The following PCNX2 variants were observed in gnomAD, a reference collection of about 807,000 sequenced individuals.
The protein encoded by PCNX2 is pecanex 2.
Under a neutral mutation model 223.8 loss-of-function variants are expected in PCNX2, and 168 were observed. The ratio of observed to expected loss-of-function variants is 0.75; its 90% CI spans 0.66 to 0.85. The LOEUF is 0.85. Among genes scored for constraint, PCNX2 ranks in the 40% least tolerant of loss-of-function variants. PCNX2 has a pLI of 0.00. For synonymous variants in PCNX2, 1,006 were observed against 1,052.6 expected (o/e 0.96, Z 0.86); for missense variants, 2,507 against 2,675.5 (o/e 0.94, Z 1.39).
rs550251709 is a variant in PCNX2 at position 233,068,220 on chromosome 1, A to T, written c.4077-10930T>A. Among the ~76,000 whole-genome samples the T allele has an allele frequency of 2.0e-5, 3 of 152,326 alleles. No individual in the cohort carries two copies. In the South Asian group the frequency reaches 6.2e-4, roughly 32 times the overall value. On this transcript the variant is annotated intron_variant, in intron 23 of 33. Coordinates refer to ENST00000258229, the MANE Select transcript of PCNX2 (RefSeq NM_014801.4). ...GCCTAGATTCCTATATACAGTGAAG[A>T]TATCCTTTTGGAATGAAGAAAATTT... is the stretch of plus-strand genomic sequence containing the variant.
intron 25 of PCNX2, among the ~76,000 whole-genome samples, chr1:233,030,231 T>G (rs1178181861): frequency 1.3e-5 from 2 of 152,194 alleles, no homozygotes; most frequent in African/African-American, 2.4e-5. Context: ...AATTTTCATT[T>G]CAGACATTGT....
At chr1:233,144,014 C>T (rs116746381) in intron 19 of PCNX2, among the ~76,000 whole-genome samples, 3,115 of 152,080 alleles carry the variant, frequency 0.02, 95 homozygotes, top group African/African-American at 0.07. Context: ...GACCCTGTCT[C>T]TACAAAAAGT....
intron 13 of PCNX2, among the ~76,000 whole-genome samples, chr1:233,207,435 G>C (rs138145009): frequency 1.2e-4 from 18 of 152,276 alleles, no homozygotes; most frequent in African/African-American, 4.3e-4. Flanking sequence ...TGTGATCACA[G>C]ACAATAACAA....
chr1:233,305,288 T>TA, the PCNX2 span, among the ~76,000 whole-genome samples: 105 of 151,986 alleles, frequency 6.9e-4, no homozygotes, highest in African/African-American at 1.9e-3. Context: ...ACAATTTGTA[T>TA]AAAAAAAAGC....
At chr1:233,317,889 C>A in the PCNX2 span, among the ~76,000 whole-genome samples, 3 of 152,228 alleles carry the variant, frequency 2.0e-5, no homozygotes, top group African/African-American at 7.2e-5. Context: ...TTTCAAGTAA[C>A]AAAGGCGAAG....
chr1:233,093,638 A>T (rs190619883), intron 22 of PCNX2, among the ~76,000 whole-genome samples: 4 of 152,232 alleles, frequency 2.6e-5, no homozygotes, highest in Non-Finnish European at 2.9e-5. Flanking sequence ...CAACTGATGA[A>T]GGATGAGGGG....
At chr1:233,078,062 C>T (rs1486885025) in intron 23 of PCNX2, among the ~76,000 whole-genome samples, 1 of 152,216 alleles carries the variant, frequency 6.6e-6, no homozygotes, top group African/African-American at 2.4e-5. Context: ...AAGGTCTTTG[C>T]TTTCAATAAA....
At chr1:233,316,805 C>T in the PCNX2 span, among the ~76,000 whole-genome samples, 2 of 152,158 alleles carry the variant, frequency 1.3e-5, no homozygotes, top group Admixed American at 1.3e-4. Flanking sequence ...ACTCATCTTA[C>T]CCATCTTTTC....
intron 1 of PCNX2, chr1:233,288,796 A>C: frequency 2.7e-6 from 2 of 743,536 alleles, no homozygotes; most frequent in Non-Finnish European, 2.1e-6. Flanking sequence ...GGACCCAGGA[A>C]AGATGCCCTT....
intron 19 of PCNX2, among the ~76,000 whole-genome samples, chr1:233,149,552 G>C (rs1261404199): frequency 1.3e-5 from 2 of 152,162 alleles, no homozygotes; most frequent in East Asian, 3.9e-4. Context: ...CATCTGTGCT[G>C]TTACCATCCC....
At chr1:233,109,254 C>T (rs960714728) in intron 21 of PCNX2, among the ~76,000 whole-genome samples, 1 of 152,142 alleles carries the variant, frequency 6.6e-6, no homozygotes. Context: ...CTCCACAGAA[C>T]ATCCAGCTGT....
At chr1:233,217,172 A>T (rs1657003574) in intron 12 of PCNX2, among the ~76,000 whole-genome samples, 1 of 151,986 alleles carries the variant, frequency 6.6e-6, no homozygotes, top group African/African-American at 2.4e-5. Context: ...ATAATAATAC[A>T]CTGTTATACT....
the PCNX2 span, among the ~76,000 whole-genome samples, chr1:233,321,031 T>TG: frequency 7.0e-6 from 1 of 143,334 alleles, no homozygotes. Flanking sequence ...TTTTTTTTTT[T>TG]TTTTTTTGAG....
intron 23 of PCNX2, among the ~76,000 whole-genome samples, chr1:233,065,880 G>A (rs1672583323): frequency 6.6e-6 from 1 of 152,168 alleles, no homozygotes; most frequent in Admixed American, 6.5e-5. Context: ...TGGGTCCCTG[G>A]TGAAACCCAA....
chr1:233,005,451 C>T (rs1329329985), intron 28 of PCNX2, among the ~76,000 whole-genome samples: 1 of 152,190 alleles, frequency 6.6e-6, no homozygotes, highest in Non-Finnish European at 1.5e-5. Flanking sequence ...GCTTGAGTTC[C>T]ATCAAAGGCC....
rs1225250821 is a variant in PCNX2, at chr1:233,253,661, A to G, written c.1835-873T>C. Among the ~76,000 whole-genome samples, 1 of 152,210 alleles carries G rather than the reference A, an allele frequency of 6.6e-6. No homozygotes were observed. The highest frequency in any genetic ancestry group is 1.5e-5 in the Non-Finnish European group (1 of 68,042). Reference sequence around the variant, plus strand: ...ACACCCGGCCTGCTGATTTTGAACAATATGCTTAGCACTGTGTAGGACACA... The same window carrying G: ...ACACCCGGCCTGCTGATTTTGAACAGTATGCTTAGCACTGTGTAGGACACA... On this transcript the variant is annotated intron_variant, in intron 5 of 33. Transcript: ENST00000258229. This position sits in a 1 kb window ranked among gnomAD's most constrained non-coding sequence, Gnocchi z 4.2.
At chr1:233,094,149 G>T (rs1316299281) in intron 22 of PCNX2, among the ~76,000 whole-genome samples, 1 of 152,202 alleles carries the variant, frequency 6.6e-6, no homozygotes, top group Non-Finnish European at 1.5e-5. Context: ...ACAGACAGAT[G>T]CAAGTCCAAA....
chr1:233,138,086 GTT>G (rs1006762401), intron 20 of PCNX2, among the ~76,000 whole-genome samples: 1 of 152,130 alleles, frequency 6.6e-6, no homozygotes, highest in African/African-American at 2.4e-5. Flanking sequence ...CTCGAAAAAT[GTT>G]TTGTTTTTAA....
intron 25 of PCNX2, chr1:233,031,730 A>T: frequency 2.0e-6 from 2 of 983,336 alleles, no homozygotes; most frequent in South Asian, 9.4e-5. Flanking sequence ...AAATCTTCGG[A>T]TTCCATTTGT....
Sources: gnomAD v4.1 joint callset for allele counts (sites outside exome capture counted in the v4.1 genomes callset) on GRCh38, gnomAD v4.1.1 for gene constraint, Gnocchi (gnomAD v3.1) non-coding constraint, MANE v1.5 for transcripts, NCBI Gene and HGNC (gene_info 2026-07-23, HGNC 2026-07-21) for gene names.